Variants in SHISA5 observed in about 807,000 individuals in gnomAD.
The protein encoded by SHISA5 is protein shisa-5.
SHISA5 carries 21 observed loss-of-function variants against 27.5 expected under a neutral mutation model. The ratio of observed to expected loss-of-function variants is 0.76; its 90% CI spans 0.54 to 1.10. The LOEUF is 1.10. Ranked by LOEUF, SHISA5 falls within the 50% of genes least tolerant of loss-of-function variation. The pLI is 0.00. For missense variants in SHISA5, 314 were observed against 336.3 expected, an observed-to-expected ratio of 0.93 and a Z score of 0.52; for synonymous variants, 137 against 142.2, an observed-to-expected ratio of 0.96 and a Z score of 0.26.
Position 48,504,000 on chromosome 3 carries a change from G to GCCCCCA in SHISA5, c.76+13_76+18dup. ...GCCCGGTCCCAGGGCAGGACGGGCC[G>GCCCCCA]CCCCCACCCCCGGCTCACCACCCGG... On this transcript the variant is annotated intron_variant, in intron 1 of 5. Coordinates refer to ENST00000296444, the MANE Select transcript of SHISA5 (RefSeq NM_016479.6). 2 of 1,459,210 alleles carry GCCCCCA rather than the reference G, an allele frequency of 1.4e-6. No individual in the cohort carries two copies. Among genetic ancestry groups the GCCCCCA allele is most frequent in the African/African-American group, 2.9e-5 (2 of 68,310 alleles). The allele number at this position is 1,459,210 out of a possible 1,614,324, so 90.4% of individuals were successfully genotyped here. A position where few individuals can be genotyped will look rare whatever the true frequency, so the allele number is the denominator to read the frequency against.
rs1459871142 is a variant in SHISA5 at position 48,473,204 on chromosome 3, C to T, written c.315-3361G>A. On this transcript the variant is annotated intron_variant, in intron 3 of 5. Coordinates refer to ENST00000296444, the MANE Select transcript of SHISA5 (RefSeq NM_016479.6). This position sits in a 1 kb window ranked among gnomAD's most constrained non-coding sequence, Gnocchi z 4.3. ...CCCTCTTAAAGACACAGGATGGCCC[C>T]GCCCAGCAGCCGGCTAGCAGCCAAG... The T allele has an allele frequency of 1.4e-6, 2 of 1,428,594 alleles. No individual in the cohort carries two copies. The highest frequency in any genetic ancestry group is 1.4e-5 in the African/African-American group (1 of 69,520). The allele number at this position is 1,428,594 out of a possible 1,614,324, so 88.5% of individuals were successfully genotyped here.
At chr3:48,498,748 T>C (rs143277750) in intron 2 of SHISA5, among the ~76,000 whole-genome samples, 5 of 100,450 alleles carry the variant, frequency 5.0e-5, no homozygotes, top group African/African-American at 1.5e-4. Context: ...CGAAGAAAAA[T>C]ATGGCGTAAA....
At chr3:48,500,159 A>T (rs955688692) in intron 2 of SHISA5, among the ~76,000 whole-genome samples, 1 of 152,236 alleles carries the variant, frequency 6.6e-6, no homozygotes, top group African/African-American at 2.4e-5. Context: ...AGAGGGACAC[A>T]GCAGTAGTGG....
At chr3:48,489,621 CT>C (rs58568695) in intron 2 of SHISA5, among the ~76,000 whole-genome samples, 535 of 80,886 alleles carry the variant, frequency 6.6e-3, no homozygotes, top group Middle Eastern at 0.014. Flanking sequence ...TGCGCCTGGC[CT>C]TTTTTTTTTT....
intron 2 of SHISA5, among the ~76,000 whole-genome samples, chr3:48,481,556 TGAG>T (rs1256992559): frequency 6.7e-6 from 1 of 149,708 alleles, no homozygotes; most frequent in Non-Finnish European, 1.5e-5. Context: ...TTTGGGAGGC[TGAG>T]GAGGGCGGAT....
Position 48,479,209 on chromosome 3 carries a change from C to T in SHISA5, c.282G>A (p.Arg94=), listed in dbSNP as rs1289819148. 49 of 1,609,930 alleles carry T rather than the reference C, an allele frequency of 3.0e-5. No individual in the cohort carries two copies. Among genetic ancestry groups the T allele is most frequent in the Non-Finnish European group, 4.2e-5 (49 of 1,178,848 alleles). The change falls in exon 3 of 6, where the codon AGG becomes AGA. Residue 94 remains arginine, a synonymous_variant. Transcript: ENST00000296444. ...TGGGGTCGTTGTAGCCAGGGCGAAA[C>T]CTCAGCGCCGAGCCCAGCTGCTCCA... ...EPVEQLGSAL[R]FRPGYNDPMS...
At chr3:48,504,214 C>T (rs1262957222), upstream of SHISA5, 6 of 410,324 alleles carry the variant, frequency 1.5e-5, no homozygotes, top group East Asian at 7.7e-5. This position sits in a 1 kb window ranked among gnomAD's most constrained non-coding sequence, Gnocchi z 4.0. Flanking sequence ...GGCTGGTTCC[C>T]GGAACCTCTG....
At chr3:48,485,192 TAAAG>T (rs889592365) in intron 2 of SHISA5, among the ~76,000 whole-genome samples, 1 of 150,920 alleles carries the variant, frequency 6.6e-6, no homozygotes, top group African/African-American at 2.4e-5. Flanking sequence ...CGAAAAGAAA[TAAAG>T]AAAAGAAACC....
In SHISA5 at chr3:48,470,535, G is replaced by A. The variant is rs981529236; in HGVS notation, c.315-692C>T. 3.3e-5 allele frequency among the ~76,000 whole-genome samples: 5 copies of A among 152,236 alleles called. No individual in the cohort carries two copies. The highest frequency in any genetic ancestry group is 4.4e-5 in the Non-Finnish European group (3 of 68,042). ...CCTGCATGGCCACTTCCACAGGTGA[G>A]AGGGCCAAGAGCCAAGGGGAGGACA... On this transcript the variant is annotated intron_variant, in intron 3 of 5. Coordinates refer to ENST00000296444, the MANE Select transcript of SHISA5 (RefSeq NM_016479.6). This position sits in a 1 kb window ranked among gnomAD's most constrained non-coding sequence, Gnocchi z 4.3.
Position 48,469,690 on chromosome 3 carries a change from C to T in SHISA5, c.430+38G>A. The T allele has an allele frequency of 1.2e-6, 2 of 1,611,946 alleles. No individual in the cohort carries two copies. The highest frequency in any genetic ancestry group is 1.7e-6 in the Non-Finnish European group (2 of 1,178,866). On this transcript the variant is annotated intron_variant, in intron 4 of 5. Transcript: ENST00000296444. The surrounding 1 kb of genome is among the most constrained non-coding windows in gnomAD (Gnocchi z 4.6). ...GGGCCTGGTCAGCTTCCCTTACCAC[C>T]CCAGGGGGTCACAGTGGGGCAGGGT... is the stretch of plus-strand genomic sequence containing the variant.
At chr3:48,498,344 G>A (rs2041622492) in intron 2 of SHISA5, among the ~76,000 whole-genome samples, 1 of 152,276 alleles carries the variant, frequency 6.6e-6, no homozygotes, top group Admixed American at 6.5e-5. Flanking sequence ...CATTGTAACT[G>A]AGGGCCTAGC....
chr3:48,479,910 T>G (rs1575313619), intron 2 of SHISA5, among the ~76,000 whole-genome samples: 1 of 142,132 alleles, frequency 7.0e-6, no homozygotes, highest in African/African-American at 2.6e-5. Flanking sequence ...ACAAAGTTTT[T>G]TTTTTTTTTT....
chr3:48,468,569 G>C lies in SHISA5; in HGVS notation c.*538C>G, dbSNP rs2040444700. 8.4e-7 allele frequency: 1 copy of C among 1,189,510 alleles called. No homozygotes were observed. Among genetic ancestry groups the C allele is most frequent in the South Asian group, 1.6e-5 (1 of 63,664 alleles). 73.7% of individuals were successfully genotyped at this position (1,189,510 alleles called of 1,614,324 possible). On this transcript the variant is annotated 3_prime_UTR_variant, in exon 6 of 6. Transcript: ENST00000296444. ...TGCCCAAAGGATCAAAGTCCAACTTGGCCAGATCCCAAGCTTCGCCTGCAT... is the reference window on the plus strand; with the variant it reads ...TGCCCAAAGGATCAAAGTCCAACTTCGCCAGATCCCAAGCTTCGCCTGCAT...
chr3:48,493,473 T>G (rs1057384287), intron 2 of SHISA5, among the ~76,000 whole-genome samples: 7 of 142,812 alleles, frequency 4.9e-5, no homozygotes, highest in East Asian at 3.9e-4. Flanking sequence ...ATGAATAAAT[T>G]AATAAATTAA....
intron 2 of SHISA5, among the ~76,000 whole-genome samples, chr3:48,496,153 A>C (rs142812529): frequency 2.3e-5 from 3 of 128,096 alleles, no homozygotes; most frequent in Admixed American, 7.2e-5. Flanking sequence ...TTAGCTGGGC[A>C]TGGAGGCGTT....
chr3:48,481,042 C>A (rs2040992327), intron 2 of SHISA5, among the ~76,000 whole-genome samples: 1 of 151,862 alleles, frequency 6.6e-6, no homozygotes, highest in Non-Finnish European at 1.5e-5. Flanking sequence ...CGGCAGTGAG[C>A]CGAGATCACA....
intron 2 of SHISA5, among the ~76,000 whole-genome samples, chr3:48,483,395 A>C (rs568642093): frequency 6.8e-4 from 104 of 152,220 alleles, no homozygotes; most frequent in Admixed American, 1.8e-3. Flanking sequence ...CAGAGAGCAC[A>C]GGGTTGGGGG....
At chr3:48,475,077 C>T (rs1283929706) in intron 3 of SHISA5, among the ~76,000 whole-genome samples, 1 of 152,148 alleles carries the variant, frequency 6.6e-6, no homozygotes, top group Non-Finnish European at 1.5e-5. Context: ...CACTATATTT[C>T]CAGTGCCTAG....
intron 3 of SHISA5, chr3:48,476,885 G>A (rs950003900): frequency 1.0e-5 from 3 of 300,848 alleles, no homozygotes; most frequent in South Asian, 2.6e-5. Flanking sequence ...CCAAGCACAC[G>A]GCACACGAGG....
Sources: gnomAD v4.1 joint callset for allele counts (sites outside exome capture counted in the v4.1 genomes callset) on GRCh38, gnomAD v4.1.1 for gene constraint, Gnocchi (gnomAD v3.1) non-coding constraint, MANE v1.5 for transcripts, NCBI Gene and HGNC (gene_info 2026-07-23, HGNC 2026-07-21) for gene names.